The following PARD3B variants were observed in gnomAD, a reference collection of about 807,000 sequenced individuals.
The protein encoded by PARD3B is par-3 family cell polarity regulator beta, also known as partitioning defective 3 homolog B.
PARD3B carries 103 observed loss-of-function variants against 130.2 expected under a neutral mutation model. The observed-to-expected ratio is 0.79, with a 90% CI of 0.67 to 0.93. The LOEUF (loss-of-function observed/expected upper bound fraction) is 0.93, where lower values mean the gene tolerates loss of function less well. Among genes scored for constraint, PARD3B ranks in the 40% least tolerant of loss-of-function variants. PARD3B has a pLI of 0.00. For synonymous variants in PARD3B, 583 were observed against 553.2 expected (o/e 1.05, Z -0.76); for missense variants, 1,609 against 1,499.2 (o/e 1.07, Z -1.21).
In PARD3B at chr2:205,301,927, T is replaced by A. The variant is rs1430711343; in HGVS notation, c.2630+226T>A. 1 of 739,302 alleles carries A rather than the reference T, an allele frequency of 1.4e-6. No individual in the cohort carries two copies. Among genetic ancestry groups the A allele is most frequent in the East Asian group, 2.7e-5 (1 of 37,480 alleles). 45.8% of individuals were successfully genotyped at this position (739,302 alleles called of 1,614,324 possible). A position where few individuals can be genotyped will look rare whatever the true frequency, so the allele number is the denominator to read the frequency against. On this transcript the variant is annotated intron_variant, in intron 18 of 22. Transcript: ENST00000406610. The surrounding 1 kb of genome is among the most constrained non-coding windows in gnomAD (Gnocchi z 5.2). Reference sequence around the variant, plus strand: ...TCTTAAGTTTGTTGTCAAAGAAAGGTCAACACTATGCCAGGCACGGTGGCT... The same window carrying A: ...TCTTAAGTTTGTTGTCAAAGAAAGGACAACACTATGCCAGGCACGGTGGCT...
chr2:204,559,726 GAC>G (rs1308155145), intron 1 of PARD3B, among the ~76,000 whole-genome samples: 1 of 152,202 alleles, frequency 6.6e-6, no homozygotes, highest in East Asian at 1.9e-4. Context: ...CTGCTATAAA[GAC>G]ACATGCACAC....
At chr2:204,800,677 T>C (rs948822778) in intron 2 of PARD3B, among the ~76,000 whole-genome samples, 4 of 152,212 alleles carry the variant, frequency 2.6e-5, no homozygotes, top group Non-Finnish European at 5.9e-5. Context: ...TTCACTCTGA[T>C]GATAGTTTCT....
intron 11 of PARD3B, among the ~76,000 whole-genome samples, chr2:205,164,883 A>T (rs1490970205): frequency 6.6e-5 from 10 of 151,642 alleles, no homozygotes; most frequent in Non-Finnish European, 1.5e-4. Flanking sequence ...GACACAAACC[A>T]GAATGCTCAA....
At position 205,509,052 on chromosome 2, in the gene PARD3B, G is replaced by A. The variant is rs1051682456; in HGVS notation, c.3180+9021G>A. The stretch of plus-strand genomic sequence containing the variant: ...TTGTTGACATATAAGCTATATGGGA[G>A]AAGATCTGGACTATACAACATGTGA... On this transcript the variant is annotated intron_variant, in intron 21 of 22. Transcript: ENST00000406610. Among the ~76,000 whole-genome samples the A allele has an allele frequency of 3.3e-5, 5 of 151,656 alleles. No homozygotes were observed. The East Asian group carries it at 9.7e-4, about 29-fold the overall frequency.
At chr2:205,511,871 C>T in intron 21 of PARD3B, among the ~76,000 whole-genome samples, 1 of 152,186 alleles carries the variant, frequency 6.6e-6, no homozygotes, top group East Asian at 1.9e-4. Context: ...CTGACTATAA[C>T]CAACCAATCA....
intron 1 of PARD3B, among the ~76,000 whole-genome samples, chr2:204,562,446 C>T (rs34804990): frequency 5.8e-3 from 884 of 152,280 alleles, no homozygotes; most frequent in South Asian, 0.016. Context: ...TATAATGCCA[C>T]GTACCTTATA....
chr2:205,257,334 T>A (rs1240113454), intron 16 of PARD3B, among the ~76,000 whole-genome samples: 1 of 152,066 alleles, frequency 6.6e-6, no homozygotes, highest in African/African-American at 2.4e-5. Context: ...AATCAGTTTT[T>A]TTTTTAAACC....
chr2:204,733,367 G>A (rs973339444), intron 2 of PARD3B, among the ~76,000 whole-genome samples: 1 of 151,896 alleles, frequency 6.6e-6, no homozygotes, highest in African/African-American at 2.4e-5. Flanking sequence ...AAAGACTGAT[G>A]TAAGTAAATG....
At position 205,591,400 on chromosome 2, in the gene PARD3B, G is replaced by A. The variant is rs961642777; in HGVS notation, c.3261-24056G>A. 5.9e-5 allele frequency among the ~76,000 whole-genome samples: 9 copies of A among 152,072 alleles called. No individual in the cohort carries two copies. Among genetic ancestry groups the A allele is most frequent in the Admixed American group, 2.0e-4 (3 of 15,276 alleles). ...AGCACATGAGAAGTTATGGAATCAAGAATAAATAAAAAGTTGGGGCAGGAA... is the reference window on the plus strand; with the variant it reads ...AGCACATGAGAAGTTATGGAATCAAAAATAAATAAAAAGTTGGGGCAGGAA... On this transcript the variant is annotated intron_variant, in intron 22 of 22. Transcript: ENST00000406610. This position sits in a 1 kb window ranked among gnomAD's most constrained non-coding sequence, Gnocchi z 4.2.
intron 21 of PARD3B, among the ~76,000 whole-genome samples, chr2:205,552,811 G>C (rs911278614): frequency 1.2e-4 from 19 of 152,040 alleles, no homozygotes; most frequent in African/African-American, 4.6e-4. Context: ...TCCAGGGACA[G>C]AAAAATAGCA....
intron 3 of PARD3B, among the ~76,000 whole-genome samples, chr2:205,010,429 C>T (rs77382480): frequency 0.076 from 11,560 of 152,220 alleles, 580 homozygotes; most frequent in Non-Finnish European, 0.1. Context: ...TCTTGGGCTG[C>T]GTTCTCTTTA....
At chr2:204,575,423 T>C (rs578199563) in intron 1 of PARD3B, among the ~76,000 whole-genome samples, 4 of 152,326 alleles carry the variant, frequency 2.6e-5, no homozygotes, top group South Asian at 4.1e-4. Context: ...AAATATGATA[T>C]GTAGGCTTCT....
intron 3 of PARD3B, among the ~76,000 whole-genome samples, chr2:205,039,184 C>G (rs1262041145): frequency 6.6e-6 from 1 of 151,942 alleles, no homozygotes; most frequent in East Asian, 1.9e-4. Flanking sequence ...AATGTAGTTG[C>G]CTCCAAAAAC....
intron 20 of PARD3B, among the ~76,000 whole-genome samples, chr2:205,478,525 C>T (rs1299256693): frequency 1.3e-5 from 2 of 152,190 alleles, no homozygotes; most frequent in African/African-American, 2.4e-5. Context: ...CTTCATTTAA[C>T]AATAAGGAGA....
intron 2 of PARD3B, among the ~76,000 whole-genome samples, chr2:204,866,935 G>T (rs988685941): frequency 6.6e-6 from 1 of 152,024 alleles, no homozygotes. Flanking sequence ...TGAGCATGGT[G>T]GTGGGCACCT....
At chr2:204,960,431 T>C (rs1321503847) in intron 2 of PARD3B, among the ~76,000 whole-genome samples, 1 of 152,080 alleles carries the variant, frequency 6.6e-6, no homozygotes, top group African/African-American at 2.4e-5. Context: ...TTTCCCCCAG[T>C]GTTGAATAAA....
intron 2 of PARD3B, among the ~76,000 whole-genome samples, chr2:204,920,346 T>A (rs577769369): frequency 6.6e-6 from 1 of 152,286 alleles, no homozygotes; most frequent in Admixed American, 6.5e-5. Flanking sequence ...AATCGGATTT[T>A]TGTATTTCCC....
intron 21 of PARD3B, among the ~76,000 whole-genome samples, chr2:205,509,163 C>T (rs554041294): frequency 2.6e-5 from 4 of 152,138 alleles, no homozygotes; most frequent in Non-Finnish European, 2.9e-5. Context: ...TAGAAATAAA[C>T]TGTTCCAGAA....
At chr2:204,825,678 A>C (rs1415202068) in intron 2 of PARD3B, among the ~76,000 whole-genome samples, 1 of 152,214 alleles carries the variant, frequency 6.6e-6, no homozygotes, top group Non-Finnish European at 1.5e-5. Flanking sequence ...AAGTTAGGTG[A>C]AATTCTAAAT....
Sources: allele counts gnomAD v4.1 joint callset (sites outside exome capture counted in the v4.1 genomes callset), GRCh38; gene constraint gnomAD v4.1.1; non-coding constraint Gnocchi (gnomAD v3.1); transcripts MANE v1.5; gene names NCBI Gene and HGNC (gene_info 2026-07-23, HGNC 2026-07-21).